Variants in AGO2 observed in about 807,000 individuals in gnomAD.
AGO2 encodes the protein protein argonaute-2.
In AGO2, 5 loss-of-function variants were observed where a neutral mutation model predicts 102.3. The observed-to-expected ratio is 0.05, with a 90% confidence interval of 0.03 to 0.10. AGO2 has a LOEUF of 0.10. Among genes scored for constraint, AGO2 ranks in the 10% least tolerant of loss-of-function variants. AGO2 has a pLI of 1.00. For synonymous variants in AGO2, 449 were observed against 473.1 expected (o/e 0.95, Z 0.66); for missense variants, 541 against 1,183.7 (o/e 0.46, Z 7.97).
chr8:140,634,239 G>A (rs1486243708), intron 1 of AGO2, among the ~76,000 whole-genome samples: 1 of 152,270 alleles, frequency 6.6e-6, no homozygotes, highest in Non-Finnish European at 1.5e-5. Flanking sequence ...CGCGACATTC[G>A]CAAGGCACAG....
chr8:140,523,687 TTTC>T lies in AGO2; in HGVS notation c.*8354_*8356del, dbSNP rs2072453108. On this transcript the variant is annotated 3_prime_UTR_variant, in exon 19 of 19. Transcript: ENST00000220592. ...TCCACTATCAAACTCAGGCCTGGAATTTCAATGCAACGCCACCCTCCATACTGT... is the reference window on the plus strand; with the variant it reads ...TCCACTATCAAACTCAGGCCTGGAATAATGCAACGCCACCCTCCATACTGT... 3 of 152,200 alleles carry T rather than the reference TTTC, an allele frequency of 2.0e-5. No homozygotes were observed. The highest frequency in any genetic ancestry group is 7.2e-5 in the African/African-American group (3 of 41,436). 9.4% of individuals were successfully genotyped at this position (152,200 alleles called of 1,614,324 possible). A position where few individuals can be genotyped will look rare whatever the true frequency, so the allele number is the denominator to read the frequency against.
chr8:140,542,980 T>C (rs2072828350), intron 14 of AGO2, among the ~76,000 whole-genome samples: 2 of 151,920 alleles, frequency 1.3e-5, no homozygotes, highest in African/African-American at 4.8e-5. Context: ...CTCTATAAAA[T>C]ACAAAATTTA....
chr8:140,609,532 T>G (rs991217892), intron 1 of AGO2, among the ~76,000 whole-genome samples: 14 of 152,204 alleles, frequency 9.2e-5, no homozygotes, highest in Admixed American at 3.9e-4. Flanking sequence ...CTTCCTCTGC[T>G]ACAGCTGCGG....
chr8:140,624,690 C>T (rs934990804), intron 1 of AGO2, among the ~76,000 whole-genome samples: 6 of 152,232 alleles, frequency 3.9e-5, no homozygotes, highest in Non-Finnish European at 4.4e-5. Flanking sequence ...GTGTGCTCCC[C>T]GGCTGGGAGG....
chr8:140,581,809 A>G (rs923083804), intron 2 of AGO2, among the ~76,000 whole-genome samples: 1 of 152,220 alleles, frequency 6.6e-6, no homozygotes, highest in Admixed American at 6.5e-5. Context: ...TACTCTGGAC[A>G]TGTTGAGTGA....
At chr8:140,588,075 G>A (rs759616046) in intron 1 of AGO2, among the ~76,000 whole-genome samples, 4 of 152,168 alleles carry the variant, frequency 2.6e-5, no homozygotes, top group Non-Finnish European at 4.4e-5. Flanking sequence ...CCACCTCTCC[G>A]TGGACGCTCT....
intron 1 of AGO2, among the ~76,000 whole-genome samples, chr8:140,617,287 C>T (rs2074153323): frequency 6.6e-6 from 1 of 151,756 alleles, no homozygotes; most frequent in South Asian, 2.1e-4. Flanking sequence ...GAGATGGAGT[C>T]TCGCTCTGTC....
upstream of AGO2, among the ~76,000 whole-genome samples, chr8:140,638,935 G>A (rs1393218811): frequency 6.6e-6 from 1 of 152,110 alleles, no homozygotes. Flanking sequence ...CCATGCTGGA[G>A]TGCAGTGGTG....
At chr8:140,624,040 C>A (rs986722817) in intron 1 of AGO2, among the ~76,000 whole-genome samples, 4 of 152,208 alleles carry the variant, frequency 2.6e-5, no homozygotes, top group Admixed American at 1.3e-4. Flanking sequence ...GCGAGATGCA[C>A]GGGGAGCCAG....
At chr8:140,600,943 A>C (rs1272043848) in intron 1 of AGO2, among the ~76,000 whole-genome samples, 4 of 151,914 alleles carry the variant, frequency 2.6e-5, no homozygotes, top group Admixed American at 6.6e-5. Context: ...AAAAAAAAAA[A>C]CCCGAATTCG....
upstream of AGO2, among the ~76,000 whole-genome samples, chr8:140,638,483 CT>C (rs1337350850): frequency 6.6e-6 from 1 of 152,330 alleles, no homozygotes; most frequent in Non-Finnish European, 1.5e-5. Context: ...CCACAGAACC[CT>C]TTTTTCACGA....
chr8:140,608,882 T>C (rs1235508205), intron 1 of AGO2, among the ~76,000 whole-genome samples: 5 of 152,216 alleles, frequency 3.3e-5, no homozygotes, highest in Non-Finnish European at 7.4e-5. Context: ...GGGGTACCCC[T>C]TGCAAGAATC....
intron 3 of AGO2, among the ~76,000 whole-genome samples, chr8:140,571,230 C>T (rs538079384): frequency 9.2e-5 from 14 of 152,308 alleles, no homozygotes; most frequent in African/African-American, 2.9e-4. Context: ...TATCGTAACT[C>T]GGTCTCTGCT....
intron 1 of AGO2, among the ~76,000 whole-genome samples, chr8:140,616,135 C>T (rs1027492529): frequency 2.0e-5 from 3 of 152,190 alleles, no homozygotes; most frequent in Non-Finnish European, 4.4e-5. Flanking sequence ...CTCCCACACC[C>T]CATAGTCTGT....
chr8:140,600,069 C>T (rs1366229093), intron 1 of AGO2, among the ~76,000 whole-genome samples: 5 of 152,196 alleles, frequency 3.3e-5, no homozygotes, highest in South Asian at 2.1e-4. Context: ...ATGCAGACGA[C>T]GTGACAGCCT....
chr8:140,615,689 A>G (rs1294408942), intron 1 of AGO2, among the ~76,000 whole-genome samples: 1 of 152,264 alleles, frequency 6.6e-6, no homozygotes, highest in Non-Finnish European at 1.5e-5. Flanking sequence ...ACCACGCTCA[A>G]GGTGGTTTTG....
At chr8:140,559,963 G>A (rs1027485963) in intron 5 of AGO2, among the ~76,000 whole-genome samples, 1 of 152,128 alleles carries the variant, frequency 6.6e-6, no homozygotes, top group African/African-American at 2.4e-5. Context: ...TGAGAAGACA[G>A]ATCCTTTTCG....
At chr8:140,590,235 C>A (rs771768604) in intron 1 of AGO2, among the ~76,000 whole-genome samples, 1 of 152,192 alleles carries the variant, frequency 6.6e-6, no homozygotes, top group Non-Finnish European at 1.5e-5. Flanking sequence ...CCCCTCCCCC[C>A]GGTCTGACTC....
At chr8:140,553,397 G>GTTTTT (rs1247887588) in intron 10 of AGO2, among the ~76,000 whole-genome samples, 4 of 129,682 alleles carry the variant, frequency 3.1e-5, no homozygotes, top group African/African-American at 6.7e-5. Context: ...CAAGTTACAA[G>GTTTTT]TTTTTTGTTT....
Sources: allele counts gnomAD v4.1 joint callset (sites outside exome capture counted in the v4.1 genomes callset), GRCh38; gene constraint gnomAD v4.1.1; transcripts MANE v1.5; gene names NCBI Gene and HGNC (gene_info 2026-07-23, HGNC 2026-07-21).